ADRA1D: variants seen among roughly 807,000 people sequenced by gnomAD.
ADRA1D encodes adrenoceptor alpha 1D.
In ADRA1D, 22 loss-of-function variants were observed where a neutral mutation model predicts 18.6. That is an observed-to-expected ratio of 1.19 (90% CI 0.85 to 1.69). The LOEUF is 1.69. ADRA1D is among the 40% of genes most tolerant of loss of function. The pLI, the probability that ADRA1D is intolerant of heterozygous loss-of-function variation, is 0.00. For synonymous variants in ADRA1D, 376 were observed against 388.2 expected, an observed-to-expected ratio of 0.97 and a Z score of 0.37; for missense variants, 840 against 840.7, an observed-to-expected ratio of 1.00 and a Z score of 0.01.
intron 1 of ADRA1D, among the ~76,000 whole-genome samples, chr20:4,226,080 T>C (rs1441288065): frequency 6.6e-6 from 1 of 152,234 alleles, no homozygotes; most frequent in Non-Finnish European, 1.5e-5. Context: ...TGGACTATGC[T>C]TTTCAGTGGT....
chr20:4,248,636 G>A lies in ADRA1D; in HGVS notation c.322C>T (p.Leu108Phe), dbSNP rs770789249. 30 of 1,612,668 alleles carry A rather than the reference G, an allele frequency of 1.9e-5. No homozygotes were observed. The highest frequency in any genetic ancestry group is 2.5e-5 in the Non-Finnish European group (30 of 1,179,704). ...AGCAGGTTACCTGCCACGGCCATAA[G>A]GATGAAGGCTGCCAGGAAGACGCCC... is the stretch of plus-strand genomic sequence containing the variant. Reference protein sequence around the residue: ...GVGVFLAAFILMAVAGNLLVI... With the variant: ...GVGVFLAAFIFMAVAGNLLVI... The change falls in exon 1 of 2, where the codon CTT becomes TTT. Residue 108 changes from leucine to phenylalanine, a missense_variant. Physicochemically the swap from Leu to Phe is conservative, Grantham distance 22 (BLOSUM62 0). Coordinates refer to ENST00000379453, the MANE Select transcript of ADRA1D (RefSeq NM_000678.4).
In ADRA1D at chr20:4,221,786, T is replaced by C; in HGVS notation, c.1456A>G (p.Ser486Gly). 7.2e-7 allele frequency: 1 copy of C among 1,389,360 alleles called. No individual in the cohort carries two copies. Among genetic ancestry groups the C allele is most frequent in the South Asian group, 1.2e-5 (1 of 86,020 alleles). The allele number at this position is 1,389,360 out of a possible 1,614,324, so 86.1% of individuals were successfully genotyped here. A position where few individuals can be genotyped will look rare whatever the true frequency, so the allele number is the denominator to read the frequency against. ...GTPEMQAPVA[S>G]RRKPPSAFRE... ...AAGGCGCTGGGTGGCTTTCGACGGC[T>C]GGCGACCGGAGCCTGCATCTCGGGC... The change falls in exon 2 of 2, where the codon AGC becomes GGC. Residue 486 changes from serine (S) to glycine (G), a missense_variant. Physicochemically the swap from Ser to Gly is moderately conservative, Grantham distance 56 (BLOSUM62 0). Coordinates refer to ENST00000379453, the MANE Select transcript of ADRA1D (RefSeq NM_000678.4).
At chr20:4,235,488 T>C (rs1981067473) in intron 1 of ADRA1D, among the ~76,000 whole-genome samples, 1 of 152,234 alleles carries the variant, frequency 6.6e-6, no homozygotes, top group Non-Finnish European at 1.5e-5. Context: ...TTAACTCACT[T>C]ATTTCCTGAT....
At chr20:4,237,738 A>T (rs1028738629) in intron 1 of ADRA1D, among the ~76,000 whole-genome samples, 1 of 148,326 alleles carries the variant, frequency 6.7e-6, no homozygotes, top group Non-Finnish European at 1.5e-5. Context: ...GGCTCACTGC[A>T]CTGCAACCTC....
At chr20:4,228,648 T>G (rs575835862) in intron 1 of ADRA1D, among the ~76,000 whole-genome samples, 2 of 152,290 alleles carry the variant, frequency 1.3e-5, no homozygotes, top group South Asian at 4.1e-4. Flanking sequence ...TGCCCCTTCT[T>G]CTCCAGAGCA....
At chr20:4,242,206 T>C (rs1427623329) in intron 1 of ADRA1D, among the ~76,000 whole-genome samples, 1 of 152,252 alleles carries the variant, frequency 6.6e-6, no homozygotes, top group Admixed American at 6.5e-5. Flanking sequence ...TTTTGCGCAG[T>C]ATAACATCCA....
chr20:4,248,817 C>CG lies in ADRA1D; in HGVS notation c.140dup (p.Ala50ArgfsTer65). Reference sequence around the variant, plus strand: ...CGCCGCCGCCGCCGCCCGCGCCCCCCGGCACGCCGCCCACCGCCGGGCCCT... The same window carrying CG: ...CGCCGCCGCCGCCGCCCGCGCCCCCCGGGCACGCCGCCCACCGCCGGGCCCT... On this transcript the variant is annotated frameshift_variant, in exon 1 of 2. Transcript: ENST00000379453. LOFTEE classifies it high-confidence loss of function. 1.9e-6 allele frequency: 2 copies of CG among 1,053,776 alleles called. No homozygotes were observed. The highest frequency in any genetic ancestry group is 2.3e-6 in the Non-Finnish European group (2 of 876,724). The allele number at this position is 1,053,776 out of a possible 1,614,324, so 65.3% of individuals were successfully genotyped here. A position where few individuals can be genotyped will look rare whatever the true frequency, so the allele number is the denominator to read the frequency against.
intron 1 of ADRA1D, among the ~76,000 whole-genome samples, chr20:4,232,219 T>C (rs987915012): frequency 1.3e-5 from 2 of 152,224 alleles, no homozygotes; most frequent in African/African-American, 2.4e-5. Context: ...CGGCAGCCTC[T>C]GGGTTTTCAC....
chr20:4,245,978 A>G (rs1307003011), intron 1 of ADRA1D, among the ~76,000 whole-genome samples: 1 of 152,202 alleles, frequency 6.6e-6, no homozygotes, highest in Non-Finnish European at 1.5e-5. Context: ...TACAAAAGCT[A>G]CAGTTCCACG....
intron 1 of ADRA1D, among the ~76,000 whole-genome samples, chr20:4,231,293 T>TATTATTATTATTATG (rs1980965496): frequency 6.7e-6 from 1 of 149,506 alleles, no homozygotes; most frequent in Non-Finnish European, 1.5e-5. Context: ...TTATTATTAT[T>TATTATTATTATTATG]ATTTTTGTAA....
At chr20:4,245,565 T>G (rs1448710142) in intron 1 of ADRA1D, among the ~76,000 whole-genome samples, 2 of 152,150 alleles carry the variant, frequency 1.3e-5, no homozygotes, top group Non-Finnish European at 2.9e-5. Flanking sequence ...TATAGGTGAT[T>G]ACAGGCATGT....
chr20:4,238,096 A>T (rs1395256469), intron 1 of ADRA1D, among the ~76,000 whole-genome samples: 1 of 150,600 alleles, frequency 6.6e-6, no homozygotes. Flanking sequence ...TACTAAAAAT[A>T]AAAAAAATTA....
chr20:4,240,251 C>T (rs957528159), intron 1 of ADRA1D, among the ~76,000 whole-genome samples: 2 of 152,104 alleles, frequency 1.3e-5, no homozygotes, highest in African/African-American at 4.8e-5. Context: ...GTAAAGAAAC[C>T]TAATAGGCAA....
At position 4,221,880 on chromosome 20, in the gene ADRA1D, G is replaced by A. The variant is rs1277627169; in HGVS notation, c.1362C>T (p.Gly454=). The A allele has an allele frequency of 2.7e-6, 4 of 1,472,774 alleles. No homozygotes were observed. In the African/African-American group the frequency reaches 4.4e-5, roughly 16 times the overall value. The allele number at this position is 1,472,774 out of a possible 1,614,324, so 91.2% of individuals were successfully genotyped here. The change falls in exon 2 of 2, where the codon GGC becomes GGT. Residue 454 remains glycine, a synonymous_variant. Transcript: ENST00000379453. ...GLRQDCAPSS[G]DAPPGAPLAL... is the part of the protein sequence containing the mutation. Reference sequence around the variant, plus strand: ...CCAGCGGCGCTCCGGGGGGCGCGTCGCCCGAACTCGGGGCGCAGTCCTGGC... The same window carrying A: ...CCAGCGGCGCTCCGGGGGGCGCGTCACCCGAACTCGGGGCGCAGTCCTGGC...
intron 1 of ADRA1D, among the ~76,000 whole-genome samples, chr20:4,229,488 C>T (rs1980904199): frequency 6.6e-6 from 1 of 152,072 alleles, no homozygotes; most frequent in Non-Finnish European, 1.5e-5. Context: ...ATAAGGTGGC[C>T]AGGAAAGTCC....
At chr20:4,227,174 G>A (rs1442077225) in intron 1 of ADRA1D, among the ~76,000 whole-genome samples, 1 of 152,186 alleles carries the variant, frequency 6.6e-6, no homozygotes, top group Non-Finnish European at 1.5e-5. Flanking sequence ...GTCTTCATGT[G>A]CAACAGCCAA....
chr20:4,221,653 TCTGCGCG>T lies in ADRA1D; in HGVS notation c.1582_1588del (p.Ala529GlnfsTer14). ...CTCTGAGCGCTGGGCGCACGCTGCC[TCTGCGCG>T]CTGCGCGCCCCCGGCGCGGATCTTG... On this transcript the variant is annotated frameshift_variant, in exon 2 of 2. Coordinates refer to ENST00000379453, the MANE Select transcript of ADRA1D (RefSeq NM_000678.4). LOFTEE classifies it low-confidence loss of function (END_TRUNC). The T allele has an allele frequency of 6.2e-7, 1 of 1,612,964 alleles. No individual in the cohort carries two copies. Among genetic ancestry groups the T allele is most frequent in the Non-Finnish European group, 8.5e-7 (1 of 1,179,634 alleles).
chr20:4,247,764 G>T, intron 1 of ADRA1D, 83 bp downstream of exon 1: 1 of 1,391,320 alleles, frequency 7.2e-7, no homozygotes, highest in South Asian at 1.7e-5. Flanking sequence ...TTCAGGTGGG[G>T]GTCGCCCAAG....
chr20:4,249,014 A>G lies in ADRA1D; in HGVS notation c.-57T>C. 8.3e-7 allele frequency: 1 copy of G among 1,198,320 alleles called. No homozygotes were observed. The highest frequency in any genetic ancestry group is 1.7e-5 in the South Asian group (1 of 58,574). 74.2% of individuals were successfully genotyped at this position (1,198,320 alleles called of 1,614,324 possible). On this transcript the variant is annotated 5_prime_UTR_variant, in exon 1 of 2. Transcript: ENST00000379453. ...GGCACAGAACGAGCGGCCGGCAGGGAGGGGAGCACAGGGCATAGCCGCGGG... is the reference window on the plus strand; with the variant it reads ...GGCACAGAACGAGCGGCCGGCAGGGGGGGGAGCACAGGGCATAGCCGCGGG...
Sources: allele counts gnomAD v4.1 joint callset (sites outside exome capture counted in the v4.1 genomes callset), GRCh38; gene constraint gnomAD v4.1.1; transcripts MANE v1.5; gene names NCBI Gene and HGNC (gene_info 2026-07-23, HGNC 2026-07-21).